Variants in PLEKHA6 observed in about 807,000 individuals in gnomAD.
PLEKHA6 encodes pleckstrin homology domain containing A6.
PLEKHA6 carries 60 observed loss-of-function variants against 116.7 expected under a neutral mutation model. The observed-to-expected ratio is 0.51, with a 90% CI of 0.42 to 0.64. PLEKHA6 has a LOEUF of 0.64. Among genes scored for constraint, PLEKHA6 ranks in the 30% least tolerant of loss-of-function variants. PLEKHA6 has a pLI of 0.00. For missense variants in PLEKHA6, 1,338 were observed against 1,422.7 expected (o/e 0.94, Z 0.96); for synonymous variants, 489 against 556.1 (o/e 0.88, Z 1.70).
At position 204,313,335 on chromosome 1, in the gene PLEKHA6, G is replaced by T. The variant is rs566423009; in HGVS notation, c.-94-38526C>A. On this transcript the variant is annotated intron_variant, in intron 1 of 22. Transcript: ENST00000272203. ...CACAATAGTCAGGCCTCCCCACACAGCTCATCTTTTCAACCTAACTTACAG... is the reference window on the plus strand; with the variant it reads ...CACAATAGTCAGGCCTCCCCACACATCTCATCTTTTCAACCTAACTTACAG... Among the ~76,000 whole-genome samples, 41 of 152,192 alleles carry T rather than the reference G, an allele frequency of 2.7e-4. 1 individual carries two copies. In the Middle Eastern group the frequency reaches 0.01, roughly 38 times the overall value.
chr1:204,280,552 C>T, intron 1 of PLEKHA6: 67 of 712,044 alleles, frequency 9.4e-5, no homozygotes, highest in Non-Finnish European at 1.2e-4. Flanking sequence ...CTGAGGACGC[C>T]TTGGCTTCCA....
At chr1:204,327,346 C>G (rs567087639) in intron 1 of PLEKHA6, among the ~76,000 whole-genome samples, 2 of 152,296 alleles carry the variant, frequency 1.3e-5, no homozygotes, top group South Asian at 4.1e-4. Context: ...TTCTGTCTCC[C>G]TCTCAAGGCC....
At chr1:204,307,958 G>GGA in intron 1 of PLEKHA6, 1 of 875,042 alleles carries the variant, frequency 1.1e-6, no homozygotes, top group Non-Finnish European at 1.4e-6. Context: ...CTCCATATTA[G>GGA]GGAATATTCT....
intron 1 of PLEKHA6, among the ~76,000 whole-genome samples, chr1:204,346,328 A>C (rs969704099): frequency 6.6e-6 from 1 of 152,024 alleles, no homozygotes; most frequent in Non-Finnish European, 1.5e-5. Flanking sequence ...TGGGAACATG[A>C]GAGCAGCAAA....
intron 1 of PLEKHA6, among the ~76,000 whole-genome samples, chr1:204,331,242 C>T (rs1672438494): frequency 6.6e-6 from 1 of 150,794 alleles, no homozygotes; most frequent in Non-Finnish European, 1.5e-5. Flanking sequence ...CTCAGCCAAG[C>T]AGCACCTGCA....
At chr1:204,377,094 G>T (rs539141175) in intron 1 of PLEKHA6, among the ~76,000 whole-genome samples, 1 of 152,316 alleles carries the variant, frequency 6.6e-6, no homozygotes, top group South Asian at 2.1e-4. Flanking sequence ...GGACAGGAGA[G>T]GAGAACTGCT....
At chr1:204,354,043 A>G (rs923002423) in intron 1 of PLEKHA6, among the ~76,000 whole-genome samples, 3 of 152,220 alleles carry the variant, frequency 2.0e-5, no homozygotes, top group Non-Finnish European at 4.4e-5. Flanking sequence ...GGTAGAATTT[A>G]AGAGGCTAAT....
Position 204,286,404 on chromosome 1 carries a change from A to G in PLEKHA6, c.-94-11595T>C, listed in dbSNP as rs192941925. On this transcript the variant is annotated intron_variant, in intron 1 of 22. Coordinates refer to ENST00000272203, the MANE Select transcript of PLEKHA6 (RefSeq NM_014935.5). ...GGCATGGAGGCTGTGACAAGGAGGA[A>G]TAGAGTACTCTGGGAGGGGAACAGA... is the stretch of plus-strand genomic sequence containing the variant. Among the ~76,000 whole-genome samples, 9 of 152,010 alleles carry G rather than the reference A, an allele frequency of 5.9e-5. 1 individual carries two copies. In the East Asian group the frequency reaches 1.7e-3, roughly 29 times the overall value.
chr1:204,332,037 A>C (rs2103273389), intron 1 of PLEKHA6, among the ~76,000 whole-genome samples: 1 of 152,322 alleles, frequency 6.6e-6, no homozygotes, highest in African/African-American at 2.4e-5. Context: ...TGCTCCAGGA[A>C]GAGAGACAAG....
At chr1:204,254,337 G>A (rs1664980483) in intron 9 of PLEKHA6, among the ~76,000 whole-genome samples, 1 of 152,222 alleles carries the variant, frequency 6.6e-6, no homozygotes, top group African/African-American at 2.4e-5. Context: ...AGTGCCTGAG[G>A]CCTATTACAA....
chr1:204,244,929 G>C lies in PLEKHA6; in HGVS notation c.2107C>G (p.Pro703Ala). The change falls in exon 15 of 23, where the codon CCC becomes GCC. Residue 703 changes from proline (P) to alanine (A), a missense_variant. By Grantham distance (27) the Pro-to-Ala change is conservative. Transcript: ENST00000272203. ...GACACCAGTGAAAAGGGGCTCAGGGGGCTGGTGAGGCTGGCAGAGCTGAGG... is the reference window on the plus strand; with the variant it reads ...GACACCAGTGAAAAGGGGCTCAGGGCGCTGGTGAGGCTGGCAGAGCTGAGG... Reference protein sequence around the residue: ...SPLSSASLTSPLSPFSLVSGS... With the variant: ...SPLSSASLTSALSPFSLVSGS... The C allele has an allele frequency of 6.6e-7, 1 of 1,507,448 alleles. No individual in the cohort carries two copies. Among genetic ancestry groups the C allele is most frequent in the South Asian group, 1.3e-5 (1 of 79,292 alleles). 93.4% of individuals were successfully genotyped at this position (1,507,448 alleles called of 1,614,324 possible).
intron 17 of PLEKHA6, among the ~76,000 whole-genome samples, chr1:204,234,357 C>G (rs1180746215): frequency 1.3e-5 from 2 of 152,168 alleles, no homozygotes; most frequent in African/African-American, 4.8e-5. Context: ...TTTTGGACTT[C>G]TAGCCTCCAC....
At chr1:204,374,710 G>A (rs562463571) in intron 1 of PLEKHA6, among the ~76,000 whole-genome samples, 1 of 152,086 alleles carries the variant, frequency 6.6e-6, no homozygotes, top group South Asian at 2.1e-4. Flanking sequence ...CTCTGTCTGT[G>A]TCTTCTATAG....
At chr1:204,328,489 C>T (rs138738714) in intron 1 of PLEKHA6, among the ~76,000 whole-genome samples, 1,679 of 151,652 alleles carry the variant, frequency 0.011, 12 homozygotes, top group Non-Finnish European at 0.017. Flanking sequence ...CTCTGCCTCT[C>T]GGGTTTCCCT....
At chr1:204,275,612 C>T in intron 1 of PLEKHA6, 1 of 704,678 alleles carries the variant, frequency 1.4e-6, no homozygotes, top group Non-Finnish European at 1.7e-6. Context: ...CCTGCTGTGG[C>T]TCCTCCGGCT....
At chr1:204,290,988 C>CAA (rs34983026) in intron 1 of PLEKHA6, among the ~76,000 whole-genome samples, 4,003 of 113,018 alleles carry the variant, frequency 0.035, 210 homozygotes, top group African/African-American at 0.13. Flanking sequence ...GACCCTGTCT[C>CAA]AAAAAAAAAA....
chr1:204,364,088 T>A (rs534551038), upstream of PLEKHA6, among the ~76,000 whole-genome samples: 14 of 152,296 alleles, frequency 9.2e-5, no homozygotes, highest in Non-Finnish European at 1.5e-4. Flanking sequence ...ATGTCAATAT[T>A]TGCTCATTGA....
At chr1:204,235,246 A>T (rs1661869904) in intron 17 of PLEKHA6, among the ~76,000 whole-genome samples, 1 of 151,976 alleles carries the variant, frequency 6.6e-6, no homozygotes, top group Non-Finnish European at 1.5e-5. Context: ...AGTCCTTGGC[A>T]TGAACTGTTT....
At chr1:204,298,008 T>C in intron 1 of PLEKHA6, 2 of 514,828 alleles carry the variant, frequency 3.9e-6, no homozygotes, top group Non-Finnish European at 5.0e-6. Flanking sequence ...CAATTGGCTC[T>C]GGTCCCATGG....
Sources: allele counts gnomAD v4.1 joint callset (sites outside exome capture counted in the v4.1 genomes callset), GRCh38; gene constraint gnomAD v4.1.1; transcripts MANE v1.5; gene names NCBI Gene and HGNC (gene_info 2026-07-23, HGNC 2026-07-21).